The following COG5 variants were observed in gnomAD, a reference collection of about 807,000 sequenced individuals.
COG5 encodes component of oligomeric golgi complex 5.
COG5 carries 86 observed loss-of-function variants against 110.4 expected under a neutral mutation model. The ratio of observed to expected loss-of-function variants is 0.78; its 90% CI spans 0.65 to 0.93. COG5 has a LOEUF of 0.93. COG5 is among the 40% of genes least tolerant of loss of function. COG5 has a pLI of 0.00. For missense variants in COG5, 1,077 were observed against 987.0 expected (o/e 1.09, Z -1.22); for synonymous variants, 360 against 334.6 (o/e 1.08, Z -0.83).
Position 107,493,297 on chromosome 7 carries a change from A to AT in COG5, c.538+33939_538+33940insA. ...GTTCTTTATAAACTATATAATCTGT[A>AT]GTATTCTTTACAGCAGTACAAAACA... On this transcript the variant is annotated intron_variant, in intron 6 of 21. Transcript: ENST00000297135. Among the ~76,000 whole-genome samples the AT allele has an allele frequency of 2.0e-5, 3 of 152,182 alleles. 1 individual carries two copies. In the South Asian group the frequency reaches 6.2e-4, roughly 31 times the overall value.
chr7:107,422,355 C>G (rs1793356419), intron 6 of COG5, among the ~76,000 whole-genome samples: 1 of 152,090 alleles, frequency 6.6e-6, no homozygotes, highest in East Asian at 1.9e-4. Context: ...GAAACCCTGT[C>G]TCTACTACTA....
intron 7 of COG5, among the ~76,000 whole-genome samples, chr7:107,374,867 A>T (rs1814498124): frequency 6.6e-6 from 1 of 152,002 alleles, no homozygotes; most frequent in African/African-American, 2.4e-5. Context: ...AAAACTGCAA[A>T]ATAATTACCT....
intron 1 of COG5, among the ~76,000 whole-genome samples, chr7:107,563,305 A>C (rs1012780180): frequency 1.3e-5 from 2 of 152,058 alleles, no homozygotes; most frequent in African/African-American, 4.8e-5. Context: ...AGGAGGAAAA[A>C]AAAAACCAGC....
At chr7:107,485,094 C>T (rs996359645) in intron 6 of COG5, among the ~76,000 whole-genome samples, 8 of 152,148 alleles carry the variant, frequency 5.3e-5, no homozygotes, top group African/African-American at 1.7e-4. Context: ...TAAATATTCT[C>T]TCTCAACAAA....
chr7:107,356,930 A>C (rs1043188929), intron 10 of COG5, among the ~76,000 whole-genome samples: 2 of 152,192 alleles, frequency 1.3e-5, no homozygotes, highest in South Asian at 4.1e-4. Context: ...AGAACATTCT[A>C]TTCATAACCT....
At chr7:107,246,355 T>C (rs964381832) in intron 17 of COG5, among the ~76,000 whole-genome samples, 1 of 152,080 alleles carries the variant, frequency 6.6e-6, no homozygotes, top group African/African-American at 2.4e-5. Flanking sequence ...AAAGGCAAAA[T>C]TGCCAAGCGG....
At chr7:107,214,575 A>G (rs959773948) in intron 19 of COG5, among the ~76,000 whole-genome samples, 1 of 152,234 alleles carries the variant, frequency 6.6e-6, no homozygotes. Flanking sequence ...TAGAAGTGTA[A>G]TAGTGGTCTG....
chr7:107,548,663 T>C (rs1348779492), intron 3 of COG5, among the ~76,000 whole-genome samples: 1 of 152,208 alleles, frequency 6.6e-6, no homozygotes, highest in African/African-American at 2.4e-5. Context: ...TGCCACTGAA[T>C]TGTATGTTTT....
intron 17 of COG5, among the ~76,000 whole-genome samples, chr7:107,238,472 A>G (rs962169813): frequency 1.4e-5 from 2 of 145,060 alleles, no homozygotes; most frequent in Non-Finnish European, 3.1e-5. Context: ...GGAAGTGCGT[A>G]TATCTTTTGA....
chr7:107,436,146 G>A (rs537631292), intron 6 of COG5, among the ~76,000 whole-genome samples: 1 of 152,262 alleles, frequency 6.6e-6, no homozygotes, highest in South Asian at 2.1e-4. Flanking sequence ...GGGAAGGATG[G>A]GGAGAGGGAA....
chr7:107,352,794 T>C lies in COG5; in HGVS notation c.1026+9239A>G, dbSNP rs555330974. On this transcript the variant is annotated intron_variant, in intron 10 of 21. Coordinates refer to ENST00000297135, the MANE Select transcript of COG5 (RefSeq NM_006348.5). ...TCTCCAAATTTAGTTTAATGCATCC[T>C]ATACACATGATTACAAGATTCTGTT... Among the ~76,000 whole-genome samples, 11 of 152,312 alleles carry C rather than the reference T, an allele frequency of 7.2e-5. 1 individual carries two copies. The South Asian group carries it at 1.9e-3, about 26-fold the overall frequency.
At chr7:107,527,178 T>A in intron 6 of COG5, 59 bp downstream of exon 6, 1 of 1,446,558 alleles carries the variant, frequency 6.9e-7, no homozygotes. Flanking sequence ...ACCAATCAAG[T>A]GACTTAAAAA....
At chr7:107,456,081 G>A (rs1340346307) in intron 6 of COG5, among the ~76,000 whole-genome samples, 1 of 152,100 alleles carries the variant, frequency 6.6e-6, no homozygotes, top group Non-Finnish European at 1.5e-5. Context: ...TTACAGGCAT[G>A]AGCCACTGTG....
At chr7:107,264,069 T>C (rs373491995) in intron 14 of COG5, among the ~76,000 whole-genome samples, 1 of 152,140 alleles carries the variant, frequency 6.6e-6, no homozygotes, top group East Asian at 1.9e-4. Context: ...TACTTATAAA[T>C]TACAAAAGGG....
chr7:107,209,239 C>A, intron 21 of COG5: 1 of 985,274 alleles, frequency 1.0e-6, no homozygotes, highest in Non-Finnish European at 1.2e-6. Context: ...ATTTTAGAGA[C>A]GCAACAGAGT....
chr7:107,208,107 T>G (rs866947665), intron 21 of COG5: 2 of 985,296 alleles, frequency 2.0e-6, no homozygotes, highest in African/African-American at 1.7e-5. Context: ...AGAAAGAACA[T>G]TCTCTAGGAC....
chr7:107,399,444 A>T (rs1013100300), intron 7 of COG5, among the ~76,000 whole-genome samples: 9 of 152,000 alleles, frequency 5.9e-5, no homozygotes, highest in Non-Finnish European at 1.2e-4. Context: ...TTCTCATGAT[A>T]GTGAGTGAGT....
intron 11 of COG5, among the ~76,000 whole-genome samples, chr7:107,323,808 T>C (rs1809520557): frequency 6.6e-6 from 1 of 152,148 alleles, no homozygotes; most frequent in South Asian, 2.1e-4. Context: ...AGAAATGAAC[T>C]CTTAACACTT....
intron 15 of COG5, among the ~76,000 whole-genome samples, chr7:107,257,808 T>A (rs1802995317): frequency 2.0e-5 from 3 of 152,138 alleles, no homozygotes; most frequent in Admixed American, 1.3e-4. Context: ...TAAGCAGTCA[T>A]CAGTGATTAT....
Sources: allele counts gnomAD v4.1 joint callset (sites outside exome capture counted in the v4.1 genomes callset), GRCh38; gene constraint gnomAD v4.1.1; transcripts MANE v1.5; gene names NCBI Gene and HGNC (gene_info 2026-07-23, HGNC 2026-07-21).